KCND2: variants seen among roughly 807,000 people sequenced by gnomAD.
KCND2 encodes potassium voltage-gated channel subfamily D member 2.
KCND2 carries 16 observed loss-of-function variants against 54.4 expected under a neutral mutation model. That is an observed-to-expected ratio of 0.29 (90% CI 0.20 to 0.45). The LOEUF (loss-of-function observed/expected upper bound fraction) is 0.45. KCND2 is among the 20% of genes least tolerant of loss of function. KCND2 has a pLI of 1.00. For missense variants in KCND2, 486 were observed against 824.2 expected (o/e 0.59, Z 5.02); for synonymous variants, 317 against 310.7 (o/e 1.02, Z -0.21).
chr7:120,477,810 T>C (rs1052548746), intron 1 of KCND2, among the ~76,000 whole-genome samples: 1 of 152,140 alleles, frequency 6.6e-6, no homozygotes, highest in African/African-American at 2.4e-5. Flanking sequence ...CAGCAACACA[T>C]GTTGGATATT....
chr7:120,336,049 T>G (rs1431005668), intron 1 of KCND2, among the ~76,000 whole-genome samples: 1 of 152,226 alleles, frequency 6.6e-6, no homozygotes, highest in African/African-American at 2.4e-5. Context: ...CCTAATTTTT[T>G]TGGCTAACCA....
chr7:120,396,373 T>C (rs1801156313), intron 1 of KCND2, among the ~76,000 whole-genome samples: 1 of 152,044 alleles, frequency 6.6e-6, no homozygotes, highest in South Asian at 2.1e-4. Context: ...AAAAGGCATA[T>C]TTTATGTTAA....
chr7:120,598,585 G>A (rs1041060534), intron 1 of KCND2, among the ~76,000 whole-genome samples: 3 of 141,524 alleles, frequency 2.1e-5, no homozygotes, highest in Non-Finnish European at 4.6e-5. Flanking sequence ...GGGGCGGGGC[G>A]GGTGGCATTG....
rs1791735150 is a variant in KCND2, at chr7:120,651,649, G to A, written c.1116-81254G>A. On this transcript the variant is annotated intron_variant, in intron 1 of 5. Transcript: ENST00000331113. The stretch of plus-strand genomic sequence containing the variant: ...TGCACCCAGTGTCCGACAAGCCCCA[G>A]TGAGATGAACCTGGTATCTCGGTTG... Among the ~76,000 whole-genome samples the A allele has an allele frequency of 2.6e-5, 4 of 152,176 alleles. No homozygotes were observed. The South Asian group carries it at 8.3e-4, about 32-fold the overall frequency.
intron 1 of KCND2, among the ~76,000 whole-genome samples, chr7:120,583,894 A>G (rs941959679): frequency 1.3e-5 from 2 of 152,194 alleles, no homozygotes; most frequent in Non-Finnish European, 2.9e-5. Flanking sequence ...AAGAAAAAAA[A>G]GAATCACAAA....
intron 1 of KCND2, among the ~76,000 whole-genome samples, chr7:120,530,250 T>C (rs1311072369): frequency 6.6e-6 from 1 of 152,278 alleles, no homozygotes; most frequent in East Asian, 1.9e-4. Context: ...CCATGATGTA[T>C]TGCATGCCTA....
intron 1 of KCND2, among the ~76,000 whole-genome samples, chr7:120,363,066 C>T (rs944272117): frequency 3.3e-5 from 5 of 151,770 alleles, no homozygotes; most frequent in Non-Finnish European, 7.4e-5. Context: ...TTTGGGAGGT[C>T]GACATGGGAG....
chr7:120,274,504 A>G lies in KCND2; in HGVS notation c.-129A>G. On this transcript the variant is annotated 5_prime_UTR_variant, in exon 1 of 6. Transcript: ENST00000331113. ...TTACCAGGAGCCCTATCTTGGAATA[A>G]GAGTTACACCTCTGGACCACGTTTC... 9.9e-7 allele frequency: 1 copy of G among 1,005,490 alleles called. No individual in the cohort carries two copies. Among genetic ancestry groups the G allele is most frequent in the Non-Finnish European group, 1.6e-6 (1 of 639,932 alleles). The allele number at this position is 1,005,490 out of a possible 1,614,324, so 62.3% of individuals were successfully genotyped here.
At chr7:120,610,244 T>C (rs970910536) in intron 1 of KCND2, among the ~76,000 whole-genome samples, 3 of 152,240 alleles carry the variant, frequency 2.0e-5, no homozygotes, top group Middle Eastern at 6.8e-3. Flanking sequence ...TAGCCATACT[T>C]CTTGGGCTCC....
chr7:120,604,427 C>G (rs1352306105), intron 1 of KCND2, among the ~76,000 whole-genome samples: 2 of 150,214 alleles, frequency 1.3e-5, no homozygotes, highest in African/African-American at 4.9e-5. Flanking sequence ...CAACCCGGGG[C>G]GGGCAGTGGA....
At chr7:120,483,667 AAG>A (rs1802638434) in intron 1 of KCND2, among the ~76,000 whole-genome samples, 2 of 152,210 alleles carry the variant, frequency 1.3e-5, no homozygotes, top group African/African-American at 4.8e-5. Context: ...CAGTAGAACA[AAG>A]AAACAGTAGA....
At chr7:120,407,532 G>T (rs1358747640) in intron 1 of KCND2, among the ~76,000 whole-genome samples, 1 of 151,894 alleles carries the variant, frequency 6.6e-6, no homozygotes, top group Non-Finnish European at 1.5e-5. Flanking sequence ...CAGCTATGTG[G>T]TATTGGATAA....
chr7:120,381,945 T>C (rs2116028491), intron 1 of KCND2, among the ~76,000 whole-genome samples: 1 of 150,892 alleles, frequency 6.6e-6, no homozygotes, highest in African/African-American at 2.4e-5. Flanking sequence ...AAAAGTCAAA[T>C]CCGTCATTTT....
chr7:120,578,409 A>G (rs1792467868), intron 1 of KCND2, among the ~76,000 whole-genome samples: 1 of 152,218 alleles, frequency 6.6e-6, no homozygotes, highest in African/African-American at 2.4e-5. Flanking sequence ...TAAAGTGCTA[A>G]TCTAGCACAT....
chr7:120,523,704 CTGTGTG>C (rs199762798), intron 1 of KCND2, among the ~76,000 whole-genome samples: 4,062 of 137,166 alleles, frequency 0.03, 110 homozygotes, highest in African/African-American at 0.076. Context: ...CACACACACT[CTGTGTG>C]TGTGTGTGTG....
intron 1 of KCND2, among the ~76,000 whole-genome samples, chr7:120,666,296 A>G (rs1236750772): frequency 2.0e-5 from 3 of 152,060 alleles, no homozygotes; most frequent in South Asian, 4.1e-4. Flanking sequence ...AAAGAGCACA[A>G]TCAGCAAGGA....
chr7:120,635,352 C>G (rs1388052388), intron 1 of KCND2, among the ~76,000 whole-genome samples: 1 of 152,190 alleles, frequency 6.6e-6, no homozygotes, highest in East Asian at 1.9e-4. Context: ...GAGAGGACTG[C>G]AACATTGGCT....
intron 1 of KCND2, among the ~76,000 whole-genome samples, chr7:120,452,989 CT>C (rs1802139342): frequency 6.6e-6 from 1 of 152,116 alleles, no homozygotes; most frequent in South Asian, 2.1e-4. Context: ...AAACGGGGTG[CT>C]CCTCAAGAGT....
intron 1 of KCND2, among the ~76,000 whole-genome samples, chr7:120,518,368 C>T (rs802334): frequency 0.066 from 10,091 of 152,046 alleles, 884 homozygotes; most frequent in East Asian, 0.45. Context: ...ATATTCACAA[C>T]TTAAACATAA....
Sources: gnomAD v4.1 joint callset for allele counts (sites outside exome capture counted in the v4.1 genomes callset) on GRCh38, gnomAD v4.1.1 for gene constraint, MANE v1.5 for transcripts, NCBI Gene and HGNC (gene_info 2026-07-23, HGNC 2026-07-21) for gene names.